Variants in SGCZ observed in about 807,000 individuals in gnomAD.
The protein encoded by SGCZ is sarcoglycan zeta.
SGCZ carries 40 observed loss-of-function variants against 41.3 expected under a neutral mutation model. The observed-to-expected ratio is 0.97, with a 90% CI of 0.75 to 1.26. SGCZ has a LOEUF of 1.26. Among genes scored for constraint, SGCZ ranks in the 50% most tolerant of loss-of-function variants. The probability of loss-of-function intolerance (pLI) is 0.00; values close to 1 mark genes in which losing one functional copy is unlikely to be tolerated. For missense variants in SGCZ, 552 were observed against 369.8 expected (o/e 1.49, Z -4.04); for synonymous variants, 206 against 137.5 (o/e 1.50, Z -3.49).
chr8:14,231,160 A>AGTGTGTGTGTGTGTGTGT (rs71209027), intron 4 of SGCZ, among the ~76,000 whole-genome samples: 1,166 of 112,048 alleles, frequency 0.01, 24 homozygotes, highest in African/African-American at 0.013. Context: ...TCTTTGGGCA[A>AGTGTGTGTGTGTGTGTGT]GTGTGTGTGT....
intron 1 of SGCZ, among the ~76,000 whole-genome samples, chr8:14,559,417 C>T (rs960861344): frequency 6.6e-6 from 1 of 152,036 alleles, no homozygotes; most frequent in Non-Finnish European, 1.5e-5. Flanking sequence ...TAGAAATATA[C>T]CTAACCAATG....
chr8:15,231,111 C>T (rs143574755), intron 1 of SGCZ, among the ~76,000 whole-genome samples: 44 of 152,292 alleles, frequency 2.9e-4, no homozygotes, highest in African/African-American at 1.0e-3. Flanking sequence ...ATTCTAACTG[C>T]TTCTGAGCTC....
At chr8:14,331,779 T>C (rs1051800828) in intron 2 of SGCZ, among the ~76,000 whole-genome samples, 1 of 151,820 alleles carries the variant, frequency 6.6e-6, no homozygotes, top group Non-Finnish European at 1.5e-5. Context: ...TTAAATATAA[T>C]ATTAAATATT....
At chr8:14,554,583 C>A in intron 2 of SGCZ, 149 bp downstream of exon 2, 10 of 707,222 alleles carry the variant, frequency 1.4e-5, no homozygotes, top group South Asian at 2.3e-5. Flanking sequence ...TGAATGTATT[C>A]TTAAAATAAA....
intron 1 of SGCZ, among the ~76,000 whole-genome samples, chr8:14,756,134 G>C (rs542158632): frequency 2.0e-5 from 3 of 151,948 alleles, no homozygotes; most frequent in African/African-American, 7.3e-5. Context: ...GGATAGGCTG[G>C]GTTATGACAG....
intron 1 of SGCZ, among the ~76,000 whole-genome samples, chr8:15,140,253 G>A (rs923683025): frequency 9.2e-5 from 14 of 152,168 alleles, no homozygotes; most frequent in African/African-American, 3.1e-4. Context: ...TCGGACTCCT[G>A]GCCTCAAGTG....
chr8:14,758,047 C>T (rs1022279196), intron 1 of SGCZ, among the ~76,000 whole-genome samples: 1 of 151,992 alleles, frequency 6.6e-6, no homozygotes, highest in African/African-American at 2.4e-5. Flanking sequence ...AAATATTATA[C>T]CCATTTCCAG....
At chr8:14,337,412 G>A (rs1209966504) in intron 2 of SGCZ, among the ~76,000 whole-genome samples, 2 of 152,062 alleles carry the variant, frequency 1.3e-5, no homozygotes, top group Non-Finnish European at 2.9e-5. Flanking sequence ...ATTTTCTGAG[G>A]GTGCTTGATC....
chr8:14,252,843 A>G lies in SGCZ; in HGVS notation c.337-15164T>C, dbSNP rs767682788. On this transcript the variant is annotated intron_variant, in intron 3 of 7. Transcript: ENST00000382080. ...CTGATTTTAGCTTTCATTTTCTACT[A>G]TTTTTTCAACTCCCTGTTTCTGAAA... Among the ~76,000 whole-genome samples, 57 of 151,918 alleles carry G rather than the reference A, an allele frequency of 3.8e-4. 1 individual carries two copies. The highest frequency in any genetic ancestry group is 7.2e-4 in the Non-Finnish European group (49 of 67,984).
intron 2 of SGCZ, among the ~76,000 whole-genome samples, chr8:14,392,848 T>C (rs2117221867): frequency 6.6e-6 from 1 of 152,310 alleles, no homozygotes; most frequent in African/African-American, 2.4e-5. Flanking sequence ...GCACATGAGC[T>C]GTAGTTTGTA....
At chr8:14,770,976 G>T in intron 1 of SGCZ, among the ~76,000 whole-genome samples, 1 of 152,092 alleles carries the variant, frequency 6.6e-6, no homozygotes, top group Admixed American at 6.6e-5. Context: ...AAGAAAAATA[G>T]CTTTTACATA....
intron 1 of SGCZ, among the ~76,000 whole-genome samples, chr8:14,689,843 C>A (rs1808740374): frequency 6.6e-6 from 1 of 152,108 alleles, no homozygotes; most frequent in Non-Finnish European, 1.5e-5. Flanking sequence ...TTAGATTGAG[C>A]AAAGTGAGGA....
intron 2 of SGCZ, among the ~76,000 whole-genome samples, chr8:14,408,536 C>A (rs112309629): frequency 6.6e-6 from 1 of 152,166 alleles, no homozygotes; most frequent in Non-Finnish European, 1.5e-5. Context: ...GGTTCCCACA[C>A]TTCCAAATTT....
At chr8:14,605,915 T>C (rs1464235271) in intron 1 of SGCZ, among the ~76,000 whole-genome samples, 10 of 152,202 alleles carry the variant, frequency 6.6e-5, no homozygotes, top group Non-Finnish European at 1.5e-5. Flanking sequence ...CTCCTAGTTC[T>C]ATGATATTTT....
intron 2 of SGCZ, among the ~76,000 whole-genome samples, chr8:14,425,651 A>G (rs1799761175): frequency 6.7e-6 from 1 of 149,490 alleles, no homozygotes; most frequent in Non-Finnish European, 1.5e-5. Context: ...AAAAAAAAAG[A>G]AAAGTACATC....
At chr8:14,623,607 A>G (rs773060342) in intron 1 of SGCZ, among the ~76,000 whole-genome samples, 2 of 152,206 alleles carry the variant, frequency 1.3e-5, no homozygotes, top group Non-Finnish European at 2.9e-5. Context: ...GATCTTAGCT[A>G]GAGGTTACAT....
intron 1 of SGCZ, among the ~76,000 whole-genome samples, chr8:15,014,262 G>A (rs1244207288): frequency 1.3e-5 from 2 of 152,170 alleles, no homozygotes; most frequent in African/African-American, 4.8e-5. Context: ...CTGTAAACAA[G>A]CCAGTTCCAT....
intron 1 of SGCZ, among the ~76,000 whole-genome samples, chr8:15,053,393 C>T (rs1804589024): frequency 6.6e-6 from 1 of 152,084 alleles, no homozygotes; most frequent in African/African-American, 2.4e-5. Context: ...CTCTCCTCTT[C>T]CGTAGTTGAT....
rs142075284 is a variant in SGCZ at position 15,217,522 on chromosome 8, C to T, written c.39+20063G>A. Among the ~76,000 whole-genome samples, 702 of 150,614 alleles carry T rather than the reference C, an allele frequency of 4.7e-3. 5 individuals are homozygous for T. Among genetic ancestry groups the T allele is most frequent in the African/African-American group, 0.017 (677 of 40,902 alleles). On this transcript the variant is annotated intron_variant, in intron 1 of 7. Transcript: ENST00000382080. ...TGAGTTCTATAACCAGAAAGCTGGACCTTTGAAAGGATGAATTATACCAAT... is the reference window on the plus strand; with the variant it reads ...TGAGTTCTATAACCAGAAAGCTGGATCTTTGAAAGGATGAATTATACCAAT...
Sources: gnomAD v4.1 joint callset for allele counts (sites outside exome capture counted in the v4.1 genomes callset) on GRCh38, gnomAD v4.1.1 for gene constraint, MANE v1.5 for transcripts, NCBI Gene and HGNC (gene_info 2026-07-23, HGNC 2026-07-21) for gene names.